PTPRO: variants seen among roughly 807,000 people sequenced by gnomAD.
PTPRO encodes protein tyrosine phosphatase receptor type O.
Under a neutral mutation model 145.2 loss-of-function variants are expected in PTPRO, and 62 were observed. The observed-to-expected ratio is 0.43, with a 90% CI of 0.35 to 0.53. PTPRO has a LOEUF of 0.53. Among genes scored for constraint, PTPRO ranks in the 20% least tolerant of loss-of-function variants. The pLI, the probability that PTPRO is intolerant of heterozygous loss-of-function variation, is 0.01. For missense variants in PTPRO, 1,345 were observed against 1,482.7 expected, an observed-to-expected ratio of 0.91 and a Z score of 1.53; for synonymous variants, 565 against 514.7, an observed-to-expected ratio of 1.10 and a Z score of -1.32.
chr12:15,405,372 CT>C (rs56147020), intron 1 of PTPRO, among the ~76,000 whole-genome samples: 28,275 of 152,124 alleles, frequency 0.19, 2,738 homozygotes, highest in South Asian at 0.22. Flanking sequence ...CCAACTGAAA[CT>C]TTTATGTTTC....
At chr12:15,363,278 C>T (rs536128241) in intron 1 of PTPRO, among the ~76,000 whole-genome samples, 58 of 152,252 alleles carry the variant, frequency 3.8e-4, no homozygotes, top group African/African-American at 1.4e-3. Flanking sequence ...ACCATCTTCT[C>T]CAGGGACAAA....
intron 1 of PTPRO, among the ~76,000 whole-genome samples, chr12:15,376,178 G>A (rs536664739): frequency 1.3e-5 from 2 of 151,974 alleles, no homozygotes; most frequent in South Asian, 2.1e-4. Flanking sequence ...ACTGTCAAAA[G>A]ACAAAGGAAA....
chr12:15,389,007 T>A (rs913785117), intron 1 of PTPRO, among the ~76,000 whole-genome samples: 7 of 152,178 alleles, frequency 4.6e-5, no homozygotes, highest in African/African-American at 1.7e-4. Flanking sequence ...TCTGTCTTTT[T>A]ATCTATTTTG....
At chr12:15,408,185 T>C (rs1423274952) in intron 1 of PTPRO, among the ~76,000 whole-genome samples, 3 of 152,194 alleles carry the variant, frequency 2.0e-5, no homozygotes, top group Non-Finnish European at 2.9e-5. Flanking sequence ...TTAGTCATTA[T>C]TGGTCTCTAC....
rs899683064 is a variant in PTPRO at position 15,515,548 on chromosome 12, C to T, written c.1515C>T (p.Tyr505=). The change falls in exon 8 of 27, where the codon TAC becomes TAT. Residue 505 remains tyrosine, a synonymous_variant. Coordinates refer to ENST00000281171, the MANE Select transcript of PTPRO (RefSeq NM_030667.3). ...IIENLVPGAQ[Y]QVVIYLRKGP... ...AAAATCTGGTTCCTGGTGCCCAGTA[C>T]CAGGTTGTAATATACCTAAGGAAAG... The T allele has an allele frequency of 1.2e-6, 2 of 1,613,750 alleles. No homozygotes were observed. Among genetic ancestry groups the T allele is most frequent in the African/African-American group, 2.7e-5 (2 of 74,892 alleles).
intron 9 of PTPRO, 56 bp downstream of exon 9, chr12:15,517,012 T>C (rs1432086640): frequency 7.1e-7 from 1 of 1,411,962 alleles, no homozygotes; most frequent in South Asian, 1.1e-5. Context: ...CAAACCTTTA[T>C]GTACCAAATG....
At chr12:15,539,186 G>A (rs1030248069) in intron 12 of PTPRO, among the ~76,000 whole-genome samples, 1 of 151,998 alleles carries the variant, frequency 6.6e-6, no homozygotes, top group Non-Finnish European at 1.5e-5. Flanking sequence ...GGTGGATGAT[G>A]AGAAATTATT....
At chr12:15,503,867 G>A (rs1206826501) in intron 5 of PTPRO, 41 bp from the exon 6 acceptor site, 2 of 1,503,884 alleles carry the variant, frequency 1.3e-6, no homozygotes, top group Middle Eastern at 1.8e-4. Context: ...GCCTTTCCAG[G>A]TGTCTATTCA....
At chr12:15,559,890 C>G (rs1385541724) in intron 16 of PTPRO, among the ~76,000 whole-genome samples, 1 of 152,114 alleles carries the variant, frequency 6.6e-6, no homozygotes, top group Non-Finnish European at 1.5e-5. Context: ...CATATAAGTG[C>G]TTCATTTAAC....
intron 1 of PTPRO, among the ~76,000 whole-genome samples, chr12:15,351,237 C>T (rs1384176730): frequency 2.0e-5 from 3 of 152,096 alleles, no homozygotes; most frequent in Non-Finnish European, 2.9e-5. Flanking sequence ...CTTTTACACA[C>T]GTAAAATTAT....
intron 6 of PTPRO, among the ~76,000 whole-genome samples, chr12:15,506,394 C>T (rs1942321994): frequency 1.3e-5 from 2 of 152,176 alleles, no homozygotes; most frequent in Admixed American, 1.3e-4. Context: ...TATCTCTGGG[C>T]CTCAGTTTCC....
chr12:15,576,056 GAAGAA>G, intron 19 of PTPRO, among the ~76,000 whole-genome samples: 1 of 152,240 alleles, frequency 6.6e-6, no homozygotes, highest in Non-Finnish European at 1.5e-5. Flanking sequence ...GTATAGCCTA[GAAGAA>G]AAGGGTGATA....
intron 1 of PTPRO, among the ~76,000 whole-genome samples, chr12:15,326,814 G>A (rs188364775): frequency 7.4e-4 from 113 of 152,174 alleles, no homozygotes; most frequent in African/African-American, 2.7e-3. Flanking sequence ...ATGCCTCTCC[G>A]TACACAGTTT....
chr12:15,433,113 T>C (rs913567755), intron 1 of PTPRO, among the ~76,000 whole-genome samples: 6 of 152,080 alleles, frequency 3.9e-5, no homozygotes, highest in Admixed American at 1.3e-4. Context: ...TCTTTGCCTA[T>C]TCCAATATCC....
At chr12:15,464,236 A>G (rs970455494) in intron 1 of PTPRO, among the ~76,000 whole-genome samples, 2 of 152,226 alleles carry the variant, frequency 1.3e-5, no homozygotes, top group African/African-American at 4.8e-5. Flanking sequence ...GGACTACAAG[A>G]AAGGCATGTT....
chr12:15,448,366 G>A (rs1200921557), intron 1 of PTPRO, among the ~76,000 whole-genome samples: 2 of 15,504 alleles, frequency 1.3e-4, no homozygotes, highest in South Asian at 3.6e-3. Flanking sequence ...AAAAAGCACC[G>A]ATTGAGAAGG....
intron 1 of PTPRO, among the ~76,000 whole-genome samples, chr12:15,326,264 T>C (rs1033935673): frequency 6.6e-6 from 1 of 152,216 alleles, no homozygotes; most frequent in Admixed American, 6.5e-5. Context: ...TGAAGTTTGC[T>C]GCCCTTAACT....
At chr12:15,515,653 A>G in intron 8 of PTPRO, 35 bp downstream of exon 8, 2 of 1,613,120 alleles carry the variant, frequency 1.2e-6, no homozygotes, top group East Asian at 2.2e-5. Context: ...TGACTGACCT[A>G]TATATTAGGG....
intron 1 of PTPRO, among the ~76,000 whole-genome samples, chr12:15,355,376 C>T (rs565978763): frequency 7.4e-4 from 112 of 152,312 alleles, no homozygotes; most frequent in African/African-American, 2.3e-3. Context: ...ATGTTCATTT[C>T]ATGGCCTTAG....
Sources: gnomAD v4.1 joint callset for allele counts (sites outside exome capture counted in the v4.1 genomes callset) on GRCh38, gnomAD v4.1.1 for gene constraint, MANE v1.5 for transcripts, NCBI Gene and HGNC (gene_info 2026-07-23, HGNC 2026-07-21) for gene names.